The following CALCOCO2 variants were observed in gnomAD, a reference collection of about 807,000 sequenced individuals.
The protein encoded by CALCOCO2 is calcium-binding and coiled-coil domain-containing protein 2.
A neutral mutation model predicts 62.5 loss-of-function variants in CALCOCO2; 42 were observed. The observed-to-expected ratio is 0.67, with a 90% CI of 0.53 to 0.87. The LOEUF is 0.87. CALCOCO2 is among the 40% of genes least tolerant of loss of function. The pLI is 0.00. For missense variants in CALCOCO2, 456 were observed against 515.0 expected (o/e 0.89, Z 1.11); for synonymous variants, 167 against 173.0 (o/e 0.97, Z 0.27).
chr17:48,850,944 CT>C, intron 5 of CALCOCO2, 144 bp from the exon 6 acceptor site: 1 of 534,526 alleles, frequency 1.9e-6, no homozygotes, highest in Non-Finnish European at 3.4e-6. Context: ...GAACATTTTC[CT>C]TTTATTTGAG....
At chr17:48,861,686 G>C (rs1242695187) in intron 11 of CALCOCO2, among the ~76,000 whole-genome samples, 1 of 125,674 alleles carries the variant, frequency 8.0e-6, no homozygotes, top group Non-Finnish European at 1.6e-5. Flanking sequence ...TAAAGCCTGT[G>C]TGTGTGTGTG....
rs1284328217 is a variant in CALCOCO2, at chr17:48,848,345, G to A, written c.307G>A (p.Glu103Lys). The change falls in exon 4 of 13, where the codon GAG (glutamate) becomes AAG (lysine). Residue 103 changes from glutamate to lysine, a missense_variant. Physicochemically the swap from Glu to Lys is moderately conservative, Grantham distance 56 (BLOSUM62 1). Transcript: ENST00000258947. ...AGCTTACTACCTGCCCAAGGATGAT[G>A]AGTATTACCAGTTCTGCTATGTGGA... is the stretch of plus-strand genomic sequence containing the variant. ...FKAYYLPKDD[E>K]YYQFCYVDED... The A allele has an allele frequency of 1.9e-6, 3 of 1,613,510 alleles. No homozygotes were observed. Among genetic ancestry groups the A allele is most frequent in the Non-Finnish European group, 2.5e-6 (3 of 1,179,406 alleles).
chr17:48,862,254 A>G, intron 11 of CALCOCO2, 22 bp from the exon 12 acceptor site: 1 of 1,522,160 alleles, frequency 6.6e-7, no homozygotes, highest in Non-Finnish European at 9.1e-7. Flanking sequence ...TCATTGAATG[A>G]GATCTTTTTT....
chr17:48,846,482 C>T, intron 2 of CALCOCO2: 1 of 1,499,564 alleles, frequency 6.7e-7, no homozygotes, highest in Non-Finnish European at 9.0e-7. Context: ...ACAAGAACTA[C>T]TCAAATGGAG....
chr17:48,845,568 A>G (rs2040040888), intron 2 of CALCOCO2, among the ~76,000 whole-genome samples: 1 of 151,710 alleles, frequency 6.6e-6, no homozygotes, highest in Non-Finnish European at 1.5e-5. Context: ...TGTCTCTACT[A>G]AAAATACAAA....
At chr17:48,856,537 T>G (rs373993724) in intron 10 of CALCOCO2, 72 of 458,622 alleles carry the variant, frequency 1.6e-4, no homozygotes, top group African/African-American at 1.3e-3. Context: ...GAACTCCTTT[T>G]CTTCAGCACA....
At chr17:48,837,454 G>C (rs904715223) in intron 1 of CALCOCO2, among the ~76,000 whole-genome samples, 1 of 151,982 alleles carries the variant, frequency 6.6e-6, no homozygotes, top group Non-Finnish European at 1.5e-5. Context: ...AGACCAGCCT[G>C]GCCAACATGG....
chr17:48,848,706 A>G (rs2040086057), intron 4 of CALCOCO2: 3 of 585,698 alleles, frequency 5.1e-6, no homozygotes, highest in East Asian at 3.4e-5. Flanking sequence ...TAACTTTCCA[A>G]TTGCTTAATT....
rs201839175 is a variant in CALCOCO2 at position 48,854,382 on chromosome 17, T to TTATATA, written c.912+1380_912+1385dup. Among the ~76,000 whole-genome samples, 73 of 5,996 alleles carry TTATATA rather than the reference T, an allele frequency of 0.012. 12 individuals carry two copies. The South Asian group carries it at 0.18, about 14-fold the overall frequency. The allele number at this position is 5,996 out of a possible 152,430, so 3.9% of individuals were successfully genotyped here. A position where few individuals can be genotyped will look rare whatever the true frequency, so the allele number is the denominator to read the frequency against. Reference sequence around the variant, plus strand: ...ATGGATTTCCTTGGTTTTCTTTTATTTATATATATATATATTTTTTTTTTT... The same window carrying TTATATA: ...ATGGATTTCCTTGGTTTTCTTTTATTTATATATATATATATATATATTTTTTTTTTT... On this transcript the variant is annotated intron_variant, in intron 9 of 12. Transcript: ENST00000258947.
chr17:48,861,629 A>G (rs2040327028), intron 11 of CALCOCO2, among the ~76,000 whole-genome samples: 1 of 116,598 alleles, frequency 8.6e-6, no homozygotes, highest in Non-Finnish European at 1.7e-5. Flanking sequence ...TGTATAACAT[A>G]TATATATATG....
chr17:48,833,569 A>C (rs1190501369), intron 1 of CALCOCO2, among the ~76,000 whole-genome samples: 1 of 148,324 alleles, frequency 6.7e-6, no homozygotes, highest in Non-Finnish European at 1.5e-5. Context: ...AAAAGAAAGA[A>C]AAAAAGTAAG....
intron 7 of CALCOCO2, chr17:48,852,218 C>A: frequency 3.5e-6 from 1 of 282,288 alleles, no homozygotes; most frequent in Admixed American, 4.7e-5. Flanking sequence ...TTACCATGAG[C>A]TCTTAATATA....
intron 3 of CALCOCO2, 61 bp downstream of exon 3, chr17:48,848,227 C>CAGCTTG: frequency 6.6e-7 from 1 of 1,521,676 alleles, no homozygotes; most frequent in Non-Finnish European, 9.1e-7. Flanking sequence ...TAATTCCCTT[C>CAGCTTG]AGCTTGAGCT....
At chr17:48,857,829 T>A (rs1487635674) in intron 10 of CALCOCO2, among the ~76,000 whole-genome samples, 5 of 143,272 alleles carry the variant, frequency 3.5e-5, no homozygotes, top group African/African-American at 1.3e-4. Context: ...AAAAAAAAAA[T>A]TAGCGAGCTT....
intron 10 of CALCOCO2, among the ~76,000 whole-genome samples, chr17:48,859,622 C>T (rs2040297960): frequency 6.6e-6 from 1 of 151,938 alleles, no homozygotes; most frequent in African/African-American, 2.4e-5. Context: ...AATTTAACAA[C>T]AACAATAATA....
At chr17:48,844,643 G>A (rs150889430) in intron 2 of CALCOCO2, among the ~76,000 whole-genome samples, 1 of 151,926 alleles carries the variant, frequency 6.6e-6, no homozygotes, top group African/African-American at 2.4e-5. Flanking sequence ...TCAGCCTCCC[G>A]AGTAGCTGGG....
At chr17:48,856,321 G>T in intron 10 of CALCOCO2, 134 bp downstream of exon 10, 1 of 571,382 alleles carries the variant, frequency 1.8e-6, no homozygotes, top group Non-Finnish European at 3.1e-6. Flanking sequence ...GTTCCTAAAC[G>T]AAGAGTAAAT....
intron 4 of CALCOCO2, among the ~76,000 whole-genome samples, chr17:48,849,027 T>G (rs1218509050): frequency 6.6e-6 from 1 of 152,242 alleles, no homozygotes; most frequent in Non-Finnish European, 1.5e-5. Context: ...ATTGTTCCTT[T>G]TAATTTTAAT....
intron 10 of CALCOCO2, among the ~76,000 whole-genome samples, chr17:48,857,531 C>A (rs1375823393): frequency 1.8e-5 from 1 of 55,772 alleles, no homozygotes; most frequent in Non-Finnish European, 3.6e-5. Flanking sequence ...GAGACGGAGT[C>A]TCACTCTGTT....
Sources: gnomAD v4.1 joint callset for allele counts (sites outside exome capture counted in the v4.1 genomes callset) on GRCh38, gnomAD v4.1.1 for gene constraint, MANE v1.5 for transcripts, NCBI Gene and HGNC (gene_info 2026-07-23, HGNC 2026-07-21) for gene names.